The following QRFPR variants were observed in gnomAD, a reference collection of about 807,000 sequenced individuals.
QRFPR encodes the protein pyroglutamylated RFamide peptide receptor, also known as pyroglutamylated RF-amide peptide receptor.
Under a neutral mutation model 31.3 loss-of-function variants are expected in QRFPR, and 37 were observed. That is an observed-to-expected ratio of 1.18 (90% CI 0.91 to 1.56). The LOEUF (loss-of-function observed/expected upper bound fraction) is 1.56. Among genes scored for constraint, QRFPR ranks in the 40% most tolerant of loss-of-function variants. The pLI is 0.00. For missense variants in QRFPR, 542 were observed against 532.5 expected, an observed-to-expected ratio of 1.02 and a Z score of -0.18; for synonymous variants, 197 against 192.0, an observed-to-expected ratio of 1.03 and a Z score of -0.22.
chr4:121,360,333 A>G (rs12507798), intron 1 of QRFPR, among the ~76,000 whole-genome samples: 23,842 of 152,202 alleles, frequency 0.16, 2,759 homozygotes, highest in East Asian at 0.54. Context: ...AACCACAGGT[A>G]AATCATTTTT....
intron 1 of QRFPR, 136 bp downstream of exon 1, chr4:121,380,172 A>G (rs925900195): frequency 9.8e-5 from 61 of 622,242 alleles, no homozygotes; most frequent in Non-Finnish European, 1.5e-4. Context: ...AGAGAGAGAC[A>G]GACAGACGAG....
intron 1 of QRFPR, among the ~76,000 whole-genome samples, chr4:121,345,118 A>T (rs1316586881): frequency 3.3e-5 from 5 of 152,230 alleles, no homozygotes; most frequent in African/African-American, 1.2e-4. Flanking sequence ...TTAGAATATT[A>T]ACTCTTCCCC....
chr4:121,359,715 G>A (rs1241136060), intron 1 of QRFPR, among the ~76,000 whole-genome samples: 6 of 149,154 alleles, frequency 4.0e-5, no homozygotes, highest in Non-Finnish European at 7.4e-5. Flanking sequence ...GTGTGTGTGT[G>A]TATATATGTG....
rs145184533 is a variant in QRFPR at position 121,350,585 on chromosome 4, C to T, written c.341-9975G>A. On this transcript the variant is annotated intron_variant, in intron 1 of 5. Transcript: ENST00000394427. ...AATGATATGATGCCTCTCTTAGTGT[C>T]AACATTCGGCACATGCATCCCTTTG... 6.9e-4 allele frequency among the ~76,000 whole-genome samples: 105 copies of T among 152,282 alleles called. 1 individual carries two copies. Among genetic ancestry groups the T allele is most frequent in the African/African-American group, 2.4e-3 (101 of 41,562 alleles).
intron 3 of QRFPR, among the ~76,000 whole-genome samples, chr4:121,336,029 G>A (rs1284719495): frequency 6.6e-6 from 1 of 151,976 alleles, no homozygotes; most frequent in Non-Finnish European, 1.5e-5. Flanking sequence ...CTTATCTTAG[G>A]CTCATTTGTT....
intron 1 of QRFPR, among the ~76,000 whole-genome samples, chr4:121,365,583 ATATATAT>A (rs1726102489): frequency 3.4e-4 from 1 of 2,918 alleles, no homozygotes; most frequent in African/African-American, 1.5e-3. Context: ...AATATATATT[ATATATAT>A]TATATATATA....
At chr4:121,348,583 T>C (rs1725701759) in intron 1 of QRFPR, among the ~76,000 whole-genome samples, 3 of 152,188 alleles carry the variant, frequency 2.0e-5, no homozygotes. Context: ...ATTTCTTGTA[T>C]TTTACCTATA....
intron 1 of QRFPR, among the ~76,000 whole-genome samples, chr4:121,365,818 A>T (rs1024621462): frequency 2.8e-5 from 4 of 141,872 alleles, no homozygotes; most frequent in Admixed American, 7.1e-5. Context: ...ACAGTAAAGA[A>T]TTTTTTTAAA....
rs764676333 is a variant in QRFPR at position 121,329,537 on chromosome 4, G to A, written c.1073C>T (p.Pro358Leu). The change falls in exon 6 of 6, where the codon CCA becomes CTA. Residue 358 changes from proline (P) to leucine (L), a missense_variant. Coordinates refer to ENST00000394427, the MANE Select transcript of QRFPR (RefSeq NM_198179.3). ...CYCIVNKTFSPAQRHGNSGIT... is the reference protein window; with the variant it reads ...CYCIVNKTFSLAQRHGNSGIT... ...TCCTGAATTTCCATGCCTTTGTGCTGGAGAGAAGGTTTTATTTACTATGCA... is the reference window on the plus strand; with the variant it reads ...TCCTGAATTTCCATGCCTTTGTGCTAGAGAGAAGGTTTTATTTACTATGCA... The A allele has an allele frequency of 2.5e-6, 4 of 1,613,768 alleles. No individual in the cohort carries two copies. Among genetic ancestry groups the A allele is most frequent in the Non-Finnish European group, 3.4e-6 (4 of 1,179,890 alleles).
intron 1 of QRFPR, among the ~76,000 whole-genome samples, chr4:121,346,248 G>A (rs943167726): frequency 7.9e-5 from 12 of 152,084 alleles, no homozygotes; most frequent in Admixed American, 1.3e-4. Context: ...CAGTCTATGC[G>A]CCCTTGTCCC....
chr4:121,372,153 G>A (rs1004092068), intron 1 of QRFPR, among the ~76,000 whole-genome samples: 3 of 152,130 alleles, frequency 2.0e-5, no homozygotes, highest in South Asian at 2.1e-4. Flanking sequence ...ATAAGAGAAG[G>A]TCAGTCTCCC....
chr4:121,355,127 A>G (rs1401705971), intron 1 of QRFPR, among the ~76,000 whole-genome samples: 1 of 151,880 alleles, frequency 6.6e-6, no homozygotes, highest in Non-Finnish European at 1.5e-5. Flanking sequence ...TTTTTTTGTA[A>G]CAATTTGAGT....
intron 1 of QRFPR, among the ~76,000 whole-genome samples, chr4:121,368,009 T>C (rs576828308): frequency 6.7e-6 from 1 of 149,674 alleles, no homozygotes; most frequent in African/African-American, 2.5e-5. Flanking sequence ...GGCCAGCTTC[T>C]TACACAGACA....
At chr4:121,333,095 C>A in intron 3 of QRFPR, 39 bp from the exon 4 acceptor site, 1 of 1,400,114 alleles carries the variant, frequency 7.1e-7, no homozygotes, top group African/African-American at 1.4e-5. Flanking sequence ...AACCAGTAGT[C>A]AGCATCAAAA....
In QRFPR at chr4:121,349,359, T is replaced by C. The variant is rs187638174; in HGVS notation, c.341-8749A>G. On this transcript the variant is annotated intron_variant, in intron 1 of 5. Transcript: ENST00000394427. ...TGATCAGATATTGGAATTCCTGGAT[T>C]GATCCTCCTATGTTTATACCTTTTA... is the stretch of plus-strand genomic sequence containing the variant. Among the ~76,000 whole-genome samples, 90 of 152,302 alleles carry C rather than the reference T, an allele frequency of 5.9e-4. 1 individual carries two copies. The highest frequency in any genetic ancestry group is 2.0e-3 in the African/African-American group (85 of 41,570).
chr4:121,369,304 C>A, intron 1 of QRFPR: 2 of 466,306 alleles, frequency 4.3e-6, no homozygotes, highest in Non-Finnish European at 7.6e-6. Flanking sequence ...GTTGGGATTA[C>A]AGGCGTGAGC....
intron 1 of QRFPR, among the ~76,000 whole-genome samples, chr4:121,348,008 T>C (rs1251120290): frequency 2.6e-5 from 4 of 152,154 alleles, no homozygotes; most frequent in Non-Finnish European, 5.9e-5. Flanking sequence ...AGTATTTTTA[T>C]TTAATTTTTC....
At chr4:121,369,376 G>T in intron 1 of QRFPR, 1 of 675,272 alleles carries the variant, frequency 1.5e-6, no homozygotes. Flanking sequence ...CAAGATAAAA[G>T]GGCAGTGGAG....
intron 1 of QRFPR, among the ~76,000 whole-genome samples, chr4:121,352,875 C>T (rs1301856500): frequency 2.6e-5 from 4 of 152,006 alleles, no homozygotes; most frequent in African/African-American, 7.2e-5. Context: ...TACCCTTTCA[C>T]ACTACCCTTT....
Sources: gnomAD v4.1 joint callset for allele counts (sites outside exome capture counted in the v4.1 genomes callset) on GRCh38, gnomAD v4.1.1 for gene constraint, MANE v1.5 for transcripts, NCBI Gene and HGNC (gene_info 2026-07-23, HGNC 2026-07-21) for gene names.